The following PCDH15 variants were observed in gnomAD, a reference collection of about 807,000 sequenced individuals.
The protein encoded by PCDH15 is protocadherin-15.
In PCDH15, 129 loss-of-function variants were observed where a neutral mutation model predicts 178.5. The ratio of observed to expected loss-of-function variants is 0.72; its 90% CI spans 0.63 to 0.84. The LOEUF is 0.84. Ranked by LOEUF, PCDH15 falls within the 40% of genes least tolerant of loss-of-function variation. PCDH15 has a pLI of 0.00. For synonymous variants in PCDH15, 800 were observed against 732.0 expected (o/e 1.09, Z -1.50); for missense variants, 2,230 against 2,099.9 (o/e 1.06, Z -1.21).
intron 1 of PCDH15, among the ~76,000 whole-genome samples, chr10:54,745,506 T>A (rs979043112): frequency 1.3e-5 from 2 of 152,220 alleles, no homozygotes; most frequent in African/African-American, 4.8e-5. Context: ...TATTGATGTA[T>A]GCTGAATGAG....
intron 23 of PCDH15, among the ~76,000 whole-genome samples, chr10:53,948,110 C>A (rs1051953498): frequency 6.6e-6 from 1 of 152,058 alleles, no homozygotes; most frequent in African/African-American, 2.4e-5. Flanking sequence ...AAGTAATATA[C>A]ATTCAGTATG....
intron 18 of PCDH15, among the ~76,000 whole-genome samples, chr10:54,037,564 TATGGAGTATACTTA>T (rs2093444748): frequency 6.6e-6 from 1 of 151,954 alleles, no homozygotes; most frequent in South Asian, 2.1e-4. Context: ...CTAATTGCAG[TATGGAGTATACTTA>T]ATGGAGTATA....
intron 18 of PCDH15, among the ~76,000 whole-genome samples, chr10:54,049,130 C>G (rs2093714508): frequency 6.6e-6 from 1 of 152,106 alleles, no homozygotes; most frequent in African/African-American, 2.4e-5. Flanking sequence ...TCACTTGTGA[C>G]TATTGTAAAT....
intron 26 of PCDH15, among the ~76,000 whole-genome samples, chr10:53,878,315 C>CAA (rs2080409483): frequency 3.4e-5 from 2 of 59,312 alleles, no homozygotes; most frequent in Non-Finnish European, 7.0e-5. Context: ...TATATATATT[C>CAA]TATATATATA....
intron 2 of PCDH15, chr10:54,599,953 A>C: frequency 1.0e-6 from 1 of 991,034 alleles, no homozygotes; most frequent in East Asian, 2.7e-5. Context: ...GGCAGACACC[A>C]AGGTGGAAAA....
At chr10:55,607,842 T>C (rs1843263517) in intron 2 of PCDH15, among the ~76,000 whole-genome samples, 1 of 151,172 alleles carries the variant, frequency 6.6e-6, no homozygotes, top group South Asian at 2.1e-4. Flanking sequence ...GGCACATGTA[T>C]ACATATGTAA....
intron 2 of PCDH15, among the ~76,000 whole-genome samples, chr10:55,582,993 G>A (rs141502757): frequency 9.9e-4 from 151 of 152,066 alleles, no homozygotes; most frequent in African/African-American, 3.6e-3. Flanking sequence ...CATAAATTAA[G>A]CTATGGATAG....
chr10:54,834,216 G>A (rs1364323164), intron 3 of PCDH15, among the ~76,000 whole-genome samples: 3 of 149,404 alleles, frequency 2.0e-5, no homozygotes, highest in African/African-American at 4.9e-5. Flanking sequence ...TTGAGATGGA[G>A]TCTCACCCTG....
intron 15 of PCDH15, among the ~76,000 whole-genome samples, chr10:54,114,989 A>G (rs1469442551): frequency 6.6e-6 from 1 of 152,124 alleles, no homozygotes; most frequent in Admixed American, 6.6e-5. Context: ...ATTTTTTTAA[A>G]AAGTATTATT....
intron 18 of PCDH15, among the ~76,000 whole-genome samples, chr10:54,057,967 C>A (rs1220120190): frequency 6.6e-6 from 1 of 152,176 alleles, no homozygotes; most frequent in African/African-American, 2.4e-5. Context: ...ACAAGTTTCT[C>A]ATCTCCATCT....
At chr10:54,493,029 A>G (rs2079751917) in intron 3 of PCDH15, among the ~76,000 whole-genome samples, 1 of 152,132 alleles carries the variant, frequency 6.6e-6, no homozygotes, top group African/African-American at 2.4e-5. Context: ...TTATAAAACC[A>G]TCAAATTTTG....
Position 54,943,020 on chromosome 10 carries a change from T to C in PCDH15, c.-79-45520A>G, listed in dbSNP as rs751258990. 1.2e-3 allele frequency among the ~76,000 whole-genome samples: 184 copies of C among 152,004 alleles called. 3 individuals carry two copies. Among genetic ancestry groups the C allele is most frequent in the Non-Finnish European group, 3.4e-4 (23 of 67,886 alleles). ...CTGAGGGAGAATATTGCTGAATTTA[T>C]TCCATGATTGTCAGATACTATATTA... On this transcript the variant is annotated intron_variant, in intron 2 of 5. Coordinates refer to the PCDH15 transcript ENST00000458638.
At chr10:54,129,697 TG>T (rs1268781472) in intron 15 of PCDH15, among the ~76,000 whole-genome samples, 1 of 152,178 alleles carries the variant, frequency 6.6e-6, no homozygotes, top group Non-Finnish European at 1.5e-5. Flanking sequence ...AACAGGGGAC[TG>T]GTTCCAGACT....
At chr10:55,165,293 T>A (rs2132117280) in intron 2 of PCDH15, among the ~76,000 whole-genome samples, 1 of 152,082 alleles carries the variant, frequency 6.6e-6, no homozygotes, top group South Asian at 2.1e-4. Flanking sequence ...TAAATATGCA[T>A]ATATGAGGAA....
chr10:54,415,968 T>G (rs1954301746), intron 3 of PCDH15, among the ~76,000 whole-genome samples: 1 of 151,912 alleles, frequency 6.6e-6, no homozygotes, highest in Non-Finnish European at 1.5e-5. Flanking sequence ...AAAAATCGAC[T>G]TTTTTATTTT....
intron 2 of PCDH15, among the ~76,000 whole-genome samples, chr10:55,458,658 T>C (rs565095366): frequency 1.3e-5 from 2 of 152,120 alleles, no homozygotes; most frequent in South Asian, 2.1e-4. Context: ...GCATGATGAA[T>C]AGCAGAACTA....
intron 5 of PCDH15, among the ~76,000 whole-genome samples, chr10:54,363,853 C>A (rs980689142): frequency 3.3e-5 from 5 of 151,860 alleles, no homozygotes; most frequent in Admixed American, 2.6e-4. Context: ...GTATTATAAT[C>A]CATGGATGGA....
chr10:55,379,226 A>G (rs1284964590), intron 2 of PCDH15, among the ~76,000 whole-genome samples: 1 of 151,490 alleles, frequency 6.6e-6, no homozygotes, highest in Non-Finnish European at 1.5e-5. Context: ...GTAAATAATC[A>G]CCTCCCCTGT....
intron 35 of PCDH15, among the ~76,000 whole-genome samples, chr10:53,815,183 AT>A (rs2132423075): frequency 6.6e-6 from 1 of 152,292 alleles, no homozygotes; most frequent in East Asian, 1.9e-4. Flanking sequence ...AATTTTTAAT[AT>A]TCATTTTTGC....
Sources: gnomAD v4.1 joint callset for allele counts (sites outside exome capture counted in the v4.1 genomes callset) on GRCh38, gnomAD v4.1.1 for gene constraint, MANE v1.5 for transcripts, NCBI Gene and HGNC (gene_info 2026-07-23, HGNC 2026-07-21) for gene names.